The following MYO16 variants were observed in gnomAD, a reference collection of about 807,000 sequenced individuals.
MYO16 encodes the protein unconventional myosin-XVI.
Under a neutral mutation model 205.3 loss-of-function variants are expected in MYO16, and 94 were observed. The observed-to-expected ratio is 0.46, with a 90% CI of 0.39 to 0.54. The LOEUF is 0.54. Among genes scored for constraint, MYO16 ranks in the 20% least tolerant of loss-of-function variants. MYO16 has a pLI of 0.00. For missense variants in MYO16, 2,315 were observed against 2,387.5 expected (o/e 0.97, Z 0.63); for synonymous variants, 988 against 954.0 (o/e 1.04, Z -0.66).
At chr13:108,564,233 C>G in the MYO16 span, among the ~76,000 whole-genome samples, 3 of 149,832 alleles carry the variant, frequency 2.0e-5, no homozygotes, top group Non-Finnish European at 4.4e-5. Flanking sequence ...TGCAGTGGCA[C>G]CATCTTGGCT....
At chr13:108,829,567 C>T (rs1876484392) in intron 9 of MYO16, among the ~76,000 whole-genome samples, 1 of 152,224 alleles carries the variant, frequency 6.6e-6, no homozygotes, top group South Asian at 2.1e-4. Flanking sequence ...GGGGCTGAGT[C>T]GCCAGAGTTT....
chr13:108,549,557 A>G, the MYO16 span, among the ~76,000 whole-genome samples: 3 of 152,274 alleles, frequency 2.0e-5, no homozygotes, highest in South Asian at 4.1e-4. Context: ...TAAATAGAGT[A>G]AGGAGTTAGT....
rs199624828 is a variant in MYO16, at chr13:108,961,580, C to A, written c.2079C>A (p.His693Gln). ...TCGTAATTCTAGCAGCAATATTGCA[C>A]CTTGGAGACATTCGGTTTACTGCCC... ...NLFVILAAIL[H>Q]LGDIRFTALN... Residue 693 changes from histidine (H) to glutamine (Q), a missense_variant, in exon 18 of 35, where the codon CAC becomes CAA. Around this residue, in one of 3 missense-constraint regions of MYO16, gnomAD observed 1,213 missense variants for 1,274.4 expected, o/e 0.95. Coordinates refer to ENST00000457511, the MANE Select transcript of MYO16 (RefSeq NM_001198950.3). 6.2e-7 allele frequency: 1 copy of A among 1,614,078 alleles called. No homozygotes were observed. The highest frequency in any genetic ancestry group is 1.7e-5 in the Admixed American group (1 of 60,012).
chr13:108,501,151 G>A, the MYO16 span, among the ~76,000 whole-genome samples: 1 of 152,040 alleles, frequency 6.6e-6, no homozygotes, highest in Non-Finnish European at 1.5e-5. Context: ...TTAGTGTATC[G>A]CGCTTATTGA....
chr13:109,040,385 C>CACAGAG (rs1394314811), intron 23 of MYO16, among the ~76,000 whole-genome samples: 39 of 113,284 alleles, frequency 3.4e-4, no homozygotes, highest in East Asian at 3.3e-3. Context: ...CACACACACA[C>CACAGAG]AGAGAGAGAG....
chr13:109,150,296 T>G (rs74119844), intron 32 of MYO16, among the ~76,000 whole-genome samples: 34,835 of 152,106 alleles, frequency 0.23, 4,255 homozygotes, highest in Middle Eastern at 0.3. Flanking sequence ...GTGAGAAACA[T>G]GACTAAATAA....
At chr13:108,732,132 C>T (rs188419701) in intron 4 of MYO16, among the ~76,000 whole-genome samples, 39 of 152,240 alleles carry the variant, frequency 2.6e-4, no homozygotes, top group Non-Finnish European at 5.0e-4. Context: ...CCAGATGAAA[C>T]GCTATTGTCC....
upstream of MYO16, among the ~76,000 whole-genome samples, chr13:108,627,090 C>G (rs1387957320): frequency 6.6e-6 from 1 of 150,596 alleles, no homozygotes; most frequent in Non-Finnish European, 1.5e-5. Context: ...CTTCAAGTTA[C>G]CATTTTTAAA....
At chr13:108,561,228 T>C in the MYO16 span, among the ~76,000 whole-genome samples, 1 of 152,376 alleles carries the variant, frequency 6.6e-6, no homozygotes, top group East Asian at 1.9e-4. Context: ...AGGAGATGAC[T>C]AATCTCAGGA....
the MYO16 span, among the ~76,000 whole-genome samples, chr13:108,586,691 T>G: frequency 1.5e-3 from 225 of 152,320 alleles, 1 homozygote; most frequent in African/African-American, 5.2e-3. Flanking sequence ...GTAAAGCAAC[T>G]GCCAAATTCA....
chr13:108,586,655 G>T, the MYO16 span, among the ~76,000 whole-genome samples: 178 of 152,222 alleles, frequency 1.2e-3, no homozygotes, highest in African/African-American at 4.0e-3. Context: ...GTGAAAAATG[G>T]GTCAGGTAGT....
Position 108,709,870 on chromosome 13 carries a change from G to A in MYO16, c.293-2791G>A, listed in dbSNP as rs1321656033. ...TGATGGGCAAGCCAGTTAATATCGA[G>A]TCTGTGGTTCTAATATGGTTCCATC... On this transcript the variant is annotated intron_variant, in intron 2 of 34. Coordinates refer to ENST00000457511, the MANE Select transcript of MYO16 (RefSeq NM_001198950.3). 5.2e-5 allele frequency among the ~76,000 whole-genome samples: 7 copies of A among 134,312 alleles called. 2 individuals are homozygous for A. The highest frequency in any genetic ancestry group is 1.9e-4 in the African/African-American group (7 of 36,068). The allele number at this position is 134,312 out of a possible 152,430, so 88.1% of individuals were successfully genotyped here.
At chr13:108,837,373 A>G (rs899606300) in intron 9 of MYO16, among the ~76,000 whole-genome samples, 2 of 152,186 alleles carry the variant, frequency 1.3e-5, no homozygotes, top group African/African-American at 4.8e-5. Context: ...TCCTTATAGC[A>G]GCATGCAAAT....
At chr13:109,132,415 T>C in intron 31 of MYO16, among the ~76,000 whole-genome samples, 1 of 152,220 alleles carries the variant, frequency 6.6e-6, no homozygotes, top group Non-Finnish European at 1.5e-5. Flanking sequence ...GGCTCAGCTC[T>C]GTGGCTTAAT....
chr13:108,943,802 G>T (rs1243445512), intron 16 of MYO16, among the ~76,000 whole-genome samples: 1 of 151,984 alleles, frequency 6.6e-6, no homozygotes, highest in Non-Finnish European at 1.5e-5. Flanking sequence ...GGCCAGAATG[G>T]TCTCAATCTC....
Position 109,073,883 on chromosome 13 carries a change from G to A in MYO16, c.3335+18288G>A, listed in dbSNP as rs56375437. On this transcript the variant is annotated intron_variant, in intron 27 of 34. Coordinates refer to ENST00000457511, the MANE Select transcript of MYO16 (RefSeq NM_001198950.3). The stretch of plus-strand genomic sequence containing the variant: ...GTAATCTCATCTGCCTAGCAGTTTG[G>A]TGAGCTACGCTGTGATTCCTGTCAA... Among the ~76,000 whole-genome samples, 741 of 152,282 alleles carry A rather than the reference G, an allele frequency of 4.9e-3. 5 individuals are homozygous for A. The highest frequency in any genetic ancestry group is 0.017 in the African/African-American group (703 of 41,570).
chr13:108,800,656 C>A (rs1057081604), intron 6 of MYO16, among the ~76,000 whole-genome samples: 1 of 152,170 alleles, frequency 6.6e-6, no homozygotes, highest in African/African-American at 2.4e-5. Context: ...TATTGGTCAA[C>A]AATCCTGACT....
At chr13:108,740,243 T>G (rs942914354) in intron 4 of MYO16, among the ~76,000 whole-genome samples, 1 of 152,204 alleles carries the variant, frequency 6.6e-6, no homozygotes, top group Non-Finnish European at 1.5e-5. Flanking sequence ...TTTTTGGCTC[T>G]GTTTTTTCCC....
intron 5 of MYO16, among the ~76,000 whole-genome samples, chr13:108,788,174 T>C (rs940007457): frequency 1.3e-5 from 2 of 152,160 alleles, no homozygotes; most frequent in African/African-American, 2.4e-5. Flanking sequence ...CACATCAGGA[T>C]GCACGTGGCA....
Sources: allele counts gnomAD v4.1 joint callset (sites outside exome capture counted in the v4.1 genomes callset), GRCh38; gene constraint gnomAD v4.1.1; regional missense constraint gnomAD v4.1.1; transcripts MANE v1.5; gene names NCBI Gene and HGNC (gene_info 2026-07-23, HGNC 2026-07-21).